Variants in DYNLT1 observed in about 807,000 individuals in gnomAD.
DYNLT1 encodes the protein dynein light chain Tctex-type 1.
A neutral mutation model predicts 19.6 loss-of-function variants in DYNLT1; 18 were observed. That is an observed-to-expected ratio of 0.92 (90% CI 0.64 to 1.36). DYNLT1 has a LOEUF of 1.36. Ranked by LOEUF, DYNLT1 falls within the 40% of genes most tolerant of loss-of-function variation. The pLI is 0.00. For synonymous variants in DYNLT1, 56 were observed against 44.0 expected (o/e 1.27, Z -1.07); for missense variants, 137 against 139.3 (o/e 0.98, Z 0.08).
chr6:158,638,244 TACTA>T, intron 2 of DYNLT1, among the ~76,000 whole-genome samples: 1 of 152,158 alleles, frequency 6.6e-6, no homozygotes, highest in East Asian at 1.9e-4. Context: ...CATACACTAA[TACTA>T]TATATTAGAT....
At position 158,637,771 on chromosome 6, in the gene DYNLT1, C is replaced by T. The variant is rs199737567; in HGVS notation, c.193G>A (p.Val65Met). The change falls in exon 3 of 5, where the codon GTG (valine) becomes ATG (methionine). Residue 65 changes from valine to methionine, a missense_variant and splice_region_variant. Coordinates refer to ENST00000367089, the MANE Select transcript of DYNLT1 (RefSeq NM_006519.4). Reference sequence around the variant, plus strand: ...TATAAAAGAAACAAGACTCCATTACCGATGTATTTAAATGGTTTTCCCAGC... The same window carrying T: ...TATAAAAGAAACAAGACTCCATTACTGATGTATTTAAATGGTTTTCCCAGC... ...TKLGKPFKYI[V>M]TCVIMQKNGA... is the part of the protein sequence containing the mutation. The T allele has an allele frequency of 9.3e-6, 15 of 1,614,094 alleles. 1 individual carries two copies. Among genetic ancestry groups the T allele is most frequent in the South Asian group, 4.4e-5 (4 of 91,072 alleles).
chr6:158,640,747 C>T (rs1465381536), intron 2 of DYNLT1, among the ~76,000 whole-genome samples: 2 of 152,178 alleles, frequency 1.3e-5, no homozygotes, highest in African/African-American at 4.8e-5. Flanking sequence ...TGACACCTTC[C>T]AGCAGGACTG....
chr6:158,641,402 G>A, intron 1 of DYNLT1, 42 bp from the exon 2 acceptor site: 1 of 1,537,124 alleles, frequency 6.5e-7, no homozygotes, highest in Non-Finnish European at 8.8e-7. Flanking sequence ...TTATTTAAAA[G>A]ATATTTCCAC....
intron 2 of DYNLT1, among the ~76,000 whole-genome samples, chr6:158,640,629 AG>A (rs1051546655): frequency 4.4e-4 from 67 of 152,260 alleles, no homozygotes; most frequent in African/African-American, 1.6e-3. Flanking sequence ...CTCATTCTGC[AG>A]ATTTCAGCTC....
intron 1 of DYNLT1, among the ~76,000 whole-genome samples, chr6:158,643,515 C>A (rs1052878850): frequency 6.6e-6 from 1 of 152,100 alleles, no homozygotes; most frequent in Non-Finnish European, 1.5e-5. Flanking sequence ...GAGTTTCGCT[C>A]TTGTTGCCCA....
chr6:158,643,385 A>G (rs1426662369), intron 1 of DYNLT1, among the ~76,000 whole-genome samples: 1 of 152,252 alleles, frequency 6.6e-6, no homozygotes, highest in Non-Finnish European at 1.5e-5. Context: ...AGTGTGTGCT[A>G]GTTAGGAAAT....
At chr6:158,638,000 T>C in intron 2 of DYNLT1, 106 bp from the exon 3 acceptor site, 1 of 1,521,684 alleles carries the variant, frequency 6.6e-7, no homozygotes, top group Non-Finnish European at 8.8e-7. Context: ...AAAAGTTTAT[T>C]TTTAATCATG....
chr6:158,639,056 TCAGA>T (rs1270837068), intron 2 of DYNLT1, among the ~76,000 whole-genome samples: 1 of 152,190 alleles, frequency 6.6e-6, no homozygotes, highest in Admixed American at 6.5e-5. Context: ...AGGTCTGTCC[TCAGA>T]CAGGCAGAGC....
intron 1 of DYNLT1, chr6:158,642,474 G>A (rs1053869552): frequency 6.6e-6 from 1 of 152,252 alleles, no homozygotes; most frequent in Non-Finnish European, 1.5e-5. Flanking sequence ...CTCAGTCAAC[G>A]TGCATCCTGA....
intron 2 of DYNLT1, among the ~76,000 whole-genome samples, chr6:158,639,317 G>C (rs1336214896): frequency 6.6e-6 from 1 of 152,154 alleles, no homozygotes; most frequent in Non-Finnish European, 1.5e-5. Flanking sequence ...AAGAGGGCTG[G>C]GGGGCCAGAA....
intron 1 of DYNLT1, among the ~76,000 whole-genome samples, chr6:158,643,904 G>A (rs1283343903): frequency 6.6e-6 from 1 of 152,096 alleles, no homozygotes; most frequent in African/African-American, 2.4e-5. Flanking sequence ...TATTCAGTAA[G>A]AAGAAAATGA....
intron 3 of DYNLT1, chr6:158,637,411 C>G (rs1477060258): frequency 3.2e-6 from 2 of 622,870 alleles, no homozygotes; most frequent in Non-Finnish European, 5.7e-6. Context: ...CATCATAAAT[C>G]AACAATATAT....
chr6:158,637,239 T>G (rs751764752), intron 3 of DYNLT1, 34 bp from the exon 4 acceptor site: 4 of 1,591,212 alleles, frequency 2.5e-6, no homozygotes, highest in East Asian at 4.5e-5. Flanking sequence ...TAGAGAAGTC[T>G]ACTGGGTAAC....
At chr6:158,644,460 A>C (rs1371877937) in intron 1 of DYNLT1, among the ~76,000 whole-genome samples, 1 of 152,072 alleles carries the variant, frequency 6.6e-6, no homozygotes, top group Non-Finnish European at 1.5e-5. Context: ...CGCGGGAAGA[A>C]GCTCAATCCC....
In DYNLT1 at chr6:158,637,873, C is replaced by T; in HGVS notation, c.91G>A (p.Gly31Ser). 6.2e-7 allele frequency: 1 copy of T among 1,605,014 alleles called. No homozygotes were observed. The highest frequency in any genetic ancestry group is 1.3e-5 in the African/African-American group (1 of 75,024). ...VKEAIESAIG[G>S]NAYQHSKVNQ... ...ACTTTGCTGTGTTGATAAGCGTTAC[C>T]ACCAATTGCGCTTTCTATAGCCTAG... Residue 31 changes from glycine to serine, a missense_variant, in exon 3 of 5, where the codon GGT (glycine) becomes AGT (serine). Physicochemically the swap from Gly to Ser is moderately conservative, Grantham distance 56. Transcript: ENST00000367089.
chr6:158,644,729 T>TA lies in DYNLT1; in HGVS notation c.-22_-21insT. 5 of 1,609,348 alleles carry TA rather than the reference T, an allele frequency of 3.1e-6. No homozygotes were observed. The highest frequency in any genetic ancestry group is 4.2e-6 in the Non-Finnish European group (5 of 1,179,532). ...TCCATCTTTCCTCCGGCGCGTCCCC[T>TA]CCGGCTCCCTGAGTGGCGCGGACTG... On this transcript the variant is annotated 5_prime_UTR_variant, in exon 1 of 5. Coordinates refer to ENST00000367089, the MANE Select transcript of DYNLT1 (RefSeq NM_006519.4).
rs544473652 is a variant in DYNLT1 at position 158,637,702 on chromosome 6, T to A, written c.193+69A>T. 5 of 1,612,992 alleles carry A rather than the reference T, an allele frequency of 3.1e-6. No individual in the cohort carries two copies. In the African/African-American group the frequency reaches 6.7e-5, roughly 22 times the overall value. ...GAGCCACGTTAGCTGTTGTTTCTGG[T>A]ACTGGATGCCCCTCTGATCAGTGTT... On this transcript the variant is annotated intron_variant, in intron 3 of 4. Coordinates refer to ENST00000367089, the MANE Select transcript of DYNLT1 (RefSeq NM_006519.4).
chr6:158,644,124 C>G (rs985161371), intron 1 of DYNLT1, among the ~76,000 whole-genome samples: 1 of 151,992 alleles, frequency 6.6e-6, no homozygotes, highest in African/African-American at 2.4e-5. Context: ...ATGAAATGTG[C>G]TACTCATTCC....
intron 3 of DYNLT1, chr6:158,637,416 A>G: frequency 1.6e-6 from 1 of 621,128 alleles, no homozygotes; most frequent in South Asian, 2.1e-5. Flanking sequence ...TAAATCAACA[A>G]TATATGAAAA....
Sources: allele counts gnomAD v4.1 joint callset (sites outside exome capture counted in the v4.1 genomes callset), GRCh38; gene constraint gnomAD v4.1.1; transcripts MANE v1.5; gene names NCBI Gene and HGNC (gene_info 2026-07-23, HGNC 2026-07-21).